Variants in PLEKHM1 observed in about 807,000 individuals in gnomAD.
PLEKHM1 encodes the protein pleckstrin homology and RUN domain containing M1, also known as pleckstrin homology domain-containing family M member 1.
PLEKHM1 carries 28 observed loss-of-function variants against 94.3 expected under a neutral mutation model. The observed-to-expected ratio is 0.30, with a 90% CI of 0.22 to 0.41. The LOEUF is 0.41. Ranked by LOEUF, PLEKHM1 falls within the 10% of genes least tolerant of loss-of-function variation. PLEKHM1 has a pLI of 1.00. For missense variants in PLEKHM1, 907 were observed against 1,358.6 expected, an observed-to-expected ratio of 0.67 and a Z score of 5.22; for synonymous variants, 424 against 581.2, an observed-to-expected ratio of 0.73 and a Z score of 3.89.
At chr17:45,452,147 C>T (rs886252) in intron 7 of PLEKHM1, among the ~76,000 whole-genome samples, 1 of 152,062 alleles carries the variant, frequency 6.6e-6, no homozygotes, top group Non-Finnish European at 1.5e-5. Context: ...GCCATCTGCC[C>T]CTGGATGGTG....
At chr17:45,484,176 A>G (rs1473433309) in intron 1 of PLEKHM1, among the ~76,000 whole-genome samples, 9 of 152,348 alleles carry the variant, frequency 5.9e-5, no homozygotes, top group Middle Eastern at 3.4e-3. Context: ...AAATCAAAGT[A>G]TCTTACCCCC....
Position 45,437,782 on chromosome 17 carries a change from G to A in PLEKHM1, c.*76C>T. 1 of 1,125,104 alleles carries A rather than the reference G, an allele frequency of 8.9e-7. No individual in the cohort carries two copies. Among genetic ancestry groups the A allele is most frequent in the Non-Finnish European group, 1.4e-6 (1 of 735,778 alleles). The allele number at this position is 1,125,104 out of a possible 1,614,324, so 69.7% of individuals were successfully genotyped here. On this transcript the variant is annotated 3_prime_UTR_variant, in exon 12 of 12. Coordinates refer to ENST00000430334, the MANE Select transcript of PLEKHM1 (RefSeq NM_014798.3). The surrounding 1 kb of genome is among the most constrained non-coding windows in gnomAD (Gnocchi z 4.0). The stretch of plus-strand genomic sequence containing the variant: ...CAGCTGTGACACGGTGAGTATCCTG[G>A]GCTGATGGCAAACCCAGCCGGGATG...
Position 45,474,090 on chromosome 17 carries a change from T to C in PLEKHM1, c.923+1010A>G, listed in dbSNP as rs543263656. Among the ~76,000 whole-genome samples the C allele has an allele frequency of 1.6e-4, 24 of 151,476 alleles. No homozygotes were observed. The South Asian group carries it at 4.8e-3, about 30-fold the overall frequency. On this transcript the variant is annotated intron_variant, in intron 4 of 11. Coordinates refer to ENST00000430334, the MANE Select transcript of PLEKHM1 (RefSeq NM_014798.3). ...TTTTTTTTTTGAGACAGAGTCTTAC[T>C]CTGTCACCCAGGCTGGAGTGCAGTG...
chr17:45,454,311 G>A (rs2050879270), intron 6 of PLEKHM1, 39 bp from the exon 7 acceptor site: 1 of 1,536,018 alleles, frequency 6.5e-7, no homozygotes. Flanking sequence ...TAGTTGGCGG[G>A]CCTGTCTCTG....
rs1237027271 is a variant in PLEKHM1, at chr17:45,468,594, C to T, written c.924-1G>A. 4 of 1,614,214 alleles carry T rather than the reference C, an allele frequency of 2.5e-6. No individual in the cohort carries two copies. The highest frequency in any genetic ancestry group is 3.4e-6 in the Non-Finnish European group (4 of 1,180,032). ...GGCTTTGCTGAATTCCAACAATACC[C>T]TAGAAGTTTTAAACAAAGAAACCTG... On this transcript the variant is annotated splice_acceptor_variant, in intron 4 of 11. Coordinates refer to ENST00000430334, the MANE Select transcript of PLEKHM1 (RefSeq NM_014798.3). LOFTEE classifies it high-confidence loss of function.
intron 2 of PLEKHM1, among the ~76,000 whole-genome samples, chr17:45,479,153 C>G (rs1164369796): frequency 1.3e-5 from 2 of 151,808 alleles, no homozygotes; most frequent in Non-Finnish European, 1.5e-5. Flanking sequence ...GCAGGCGGAT[C>G]ACTTGAGGTT....
At chr17:45,440,317 C>T in intron 9 of PLEKHM1, 91 bp from the exon 10 acceptor site, 1 of 1,298,308 alleles carries the variant, frequency 7.7e-7, no homozygotes, top group South Asian at 1.2e-5. Context: ...GCGCTGCTCA[C>T]CAGGCAGACA....
downstream of PLEKHM1, chr17:45,434,458 T>A (rs1416092644): frequency 6.6e-6 from 1 of 152,062 alleles, no homozygotes; most frequent in African/African-American, 2.4e-5. Context: ...TATCAGCTAT[T>A]TTTTTTAAGA....
At chr17:45,468,740 C>T (rs530140890) in intron 4 of PLEKHM1, 147 bp from the exon 5 acceptor site, 11 of 825,818 alleles carry the variant, frequency 1.3e-5, no homozygotes, top group African/African-American at 5.0e-5. Context: ...CTCCCCCTCA[C>T]GCAGTCCTCC....
chr17:45,438,457 G>A (rs552676413), intron 11 of PLEKHM1, among the ~76,000 whole-genome samples: 1 of 151,684 alleles, frequency 6.6e-6, no homozygotes, highest in Non-Finnish European at 1.5e-5. Context: ...GCATGAACCC[G>A]GGAGGCAGAG....
At chr17:45,460,949 A>G (rs891125342) in intron 5 of PLEKHM1, among the ~76,000 whole-genome samples, 1 of 152,140 alleles carries the variant, frequency 6.6e-6, no homozygotes, top group African/African-American at 2.4e-5. Context: ...CAGTGGCACA[A>G]TCCTGGCTCA....
At chr17:45,438,914 A>T (rs1018666283) in intron 11 of PLEKHM1, among the ~76,000 whole-genome samples, 4 of 152,254 alleles carry the variant, frequency 2.6e-5, no homozygotes, top group African/African-American at 7.2e-5. Flanking sequence ...CATCCCGGCC[A>T]GTGGACACCG....
chr17:45,486,211 C>A (rs1221575210), intron 1 of PLEKHM1, among the ~76,000 whole-genome samples: 1 of 139,140 alleles, frequency 7.2e-6, no homozygotes. Flanking sequence ...AGAGAGACTC[C>A]GTCTCAAAAA....
At chr17:45,434,967 CAA>C (rs11369025), downstream of PLEKHM1, among the ~76,000 whole-genome samples, 60 of 98,096 alleles carry the variant, frequency 6.1e-4, no homozygotes, top group Admixed American at 8.9e-4. Context: ...AGACTGTATC[CAA>C]AAAAAAAAAA....
chr17:45,465,260 T>G, intron 5 of PLEKHM1, among the ~76,000 whole-genome samples: 1 of 151,772 alleles, frequency 6.6e-6, no homozygotes, highest in East Asian at 1.9e-4. Context: ...TAATATACTG[T>G]AATTGCACAT....
intron 4 of PLEKHM1, among the ~76,000 whole-genome samples, chr17:45,473,491 T>C (rs1012136870): frequency 6.6e-6 from 1 of 151,856 alleles, no homozygotes. Flanking sequence ...AAACAAGATA[T>C]AGAACAGTGT....
chr17:45,453,953 A>T lies in PLEKHM1; in HGVS notation c.1899T>A (p.Asp633Glu). The change falls in exon 7 of 12, where the codon GAT becomes GAA. Residue 633 changes from aspartate to glutamate, a missense_variant. Coordinates refer to ENST00000430334, the MANE Select transcript of PLEKHM1 (RefSeq NM_014798.3). This position sits in a 1 kb window ranked among gnomAD's most constrained non-coding sequence, Gnocchi z 4.1. ...CTGGGTACTGCACGTTCACCCACTC[A>T]TCCTCCTGCTGAGGCCGGACCTTCT... ...ALQKVRPQQE[D>E]EWVNVQYPDQ... The T allele has an allele frequency of 3.1e-6, 5 of 1,613,818 alleles. No homozygotes were observed. Among genetic ancestry groups the T allele is most frequent in the Non-Finnish European group, 4.2e-6 (5 of 1,179,796 alleles).
intron 8 of PLEKHM1, among the ~76,000 whole-genome samples, chr17:45,450,027 A>G (rs1364175650): frequency 1.3e-5 from 2 of 149,108 alleles, no homozygotes; most frequent in African/African-American, 5.0e-5. Flanking sequence ...TCATCCACCT[A>G]CCTACCTACC....
Position 45,438,854 on chromosome 17 carries a change from G to A in PLEKHM1, c.3059+623C>T, listed in dbSNP as rs117442279. Among the ~76,000 whole-genome samples, 1,416 of 152,298 alleles carry A rather than the reference G, an allele frequency of 9.3e-3. 13 individuals are homozygous for A. Among genetic ancestry groups the A allele is most frequent in the Middle Eastern group, 0.024 (7 of 294 alleles). Reference sequence around the variant, plus strand: ...TTACAGGCGTGAGCCACCACGCCCGGCCAAGATGGTATAATTTTAAAAACT... The same window carrying A: ...TTACAGGCGTGAGCCACCACGCCCGACCAAGATGGTATAATTTTAAAAACT... On this transcript the variant is annotated intron_variant, in intron 11 of 11. Coordinates refer to ENST00000430334, the MANE Select transcript of PLEKHM1 (RefSeq NM_014798.3).
Sources: gnomAD v4.1 joint callset for allele counts (sites outside exome capture counted in the v4.1 genomes callset) on GRCh38, gnomAD v4.1.1 for gene constraint, Gnocchi (gnomAD v3.1) non-coding constraint, MANE v1.5 for transcripts, NCBI Gene and HGNC (gene_info 2026-07-23, HGNC 2026-07-21) for gene names.